Variants in SAMD8 observed in about 807,000 individuals in gnomAD.
The protein encoded by SAMD8 is sphingomyelin synthase-related protein 1.
SAMD8 carries 20 observed loss-of-function variants against 42.0 expected under a neutral mutation model. The ratio of observed to expected loss-of-function variants is 0.48; its 90% CI spans 0.34 to 0.69. The LOEUF (loss-of-function observed/expected upper bound fraction) is 0.69, where lower values mean the gene tolerates loss of function less well. Among genes scored for constraint, SAMD8 ranks in the 30% least tolerant of loss-of-function variants. SAMD8 has a pLI of 0.01. For missense variants in SAMD8, 328 were observed against 511.6 expected (o/e 0.64, Z 3.46); for synonymous variants, 162 against 173.0 (o/e 0.94, Z 0.50).
chr10:75,164,809 C>A, intron 3 of SAMD8, 69 bp downstream of exon 3: 1 of 1,141,140 alleles, frequency 8.8e-7, no homozygotes, highest in Non-Finnish European at 1.3e-6. Flanking sequence ...AAATCTTAAC[C>A]TTTCTCTTTG....
intron 1 of SAMD8, among the ~76,000 whole-genome samples, chr10:75,101,641 C>T (rs1848164064): frequency 6.6e-6 from 1 of 152,168 alleles, no homozygotes; most frequent in Non-Finnish European, 1.5e-5. Flanking sequence ...AGAGGTTAAG[C>T]AACATACCCA....
chr10:75,140,044 CTG>C (rs1366191646), intron 1 of SAMD8, among the ~76,000 whole-genome samples: 4 of 152,170 alleles, frequency 2.6e-5, no homozygotes, highest in Non-Finnish European at 2.9e-5. Flanking sequence ...AATGAAAAGA[CTG>C]TGTTTTCTCC....
chr10:75,127,837 T>A (rs1192546872), intron 1 of SAMD8, among the ~76,000 whole-genome samples: 3 of 152,228 alleles, frequency 2.0e-5, no homozygotes, highest in African/African-American at 7.2e-5. Flanking sequence ...TAGTTCATGC[T>A]AAGGAACAAC....
chr10:75,164,404 T>G, intron 2 of SAMD8: 3 of 409,888 alleles, frequency 7.3e-6, no homozygotes, highest in Non-Finnish European at 9.8e-6. Flanking sequence ...TTTTTTTTCC[T>G]CTGGTATTTG....
intron 1 of SAMD8, among the ~76,000 whole-genome samples, chr10:75,103,658 GC>G (rs1325755630): frequency 6.6e-6 from 1 of 152,218 alleles, no homozygotes; most frequent in Non-Finnish European, 1.5e-5. Flanking sequence ...GCACACCCAT[GC>G]CTGCAGCCAT....
chr10:75,138,991 G>A (rs560275852), intron 1 of SAMD8, among the ~76,000 whole-genome samples: 10 of 141,494 alleles, frequency 7.1e-5, no homozygotes, highest in African/African-American at 1.3e-4. Flanking sequence ...ACGGAGTTTC[G>A]CTCTTGCTGC....
intron 1 of SAMD8, among the ~76,000 whole-genome samples, chr10:75,117,059 C>T (rs564149946): frequency 6.6e-6 from 1 of 152,048 alleles, no homozygotes; most frequent in South Asian, 2.1e-4. Flanking sequence ...CATCCACCCC[C>T]CTTGGCCTCC....
intron 1 of SAMD8, among the ~76,000 whole-genome samples, chr10:75,146,862 T>G (rs1840149401): frequency 6.6e-6 from 1 of 152,206 alleles, no homozygotes; most frequent in South Asian, 2.1e-4. Flanking sequence ...TTATCATCTT[T>G]TAATATACCT....
At chr10:75,156,808 C>T (rs1181537826) in intron 2 of SAMD8, among the ~76,000 whole-genome samples, 1 of 151,914 alleles carries the variant, frequency 6.6e-6, no homozygotes, top group East Asian at 1.9e-4. Flanking sequence ...CCAAGAGCCA[C>T]GTGAAATTTA....
At chr10:75,141,353 CAAAA>C (rs1183521701) in intron 1 of SAMD8, among the ~76,000 whole-genome samples, 1 of 88,128 alleles carries the variant, frequency 1.1e-5, no homozygotes. Flanking sequence ...CACCCTGTCT[CAAAA>C]AAAAAAAAAA....
At position 75,176,809 on chromosome 10, in the gene SAMD8, A is replaced by G; in HGVS notation, c.*117A>G. 2 of 735,846 alleles carry G rather than the reference A, an allele frequency of 2.7e-6. No individual in the cohort carries two copies. Among genetic ancestry groups the G allele is most frequent in the Non-Finnish European group, 2.2e-6 (1 of 461,130 alleles). The allele number at this position is 735,846 out of a possible 1,614,324, so 45.6% of individuals were successfully genotyped here. ...CCTGGCTTATGTGTTGACAAAGTAA[A>G]GTTTTCTGTTCTGAGCAAAGTTATG... On this transcript the variant is annotated 3_prime_UTR_variant, in exon 6 of 6. Coordinates refer to ENST00000542569, the MANE Select transcript of SAMD8 (RefSeq NM_001174156.2). This position sits in a 1 kb window ranked among gnomAD's most constrained non-coding sequence, Gnocchi z 4.3.
At chr10:75,166,972 T>C (rs565063991) in intron 3 of SAMD8, among the ~76,000 whole-genome samples, 28 of 152,354 alleles carry the variant, frequency 1.8e-4, no homozygotes, top group Non-Finnish European at 2.2e-4. Flanking sequence ...ACACTAATGC[T>C]TGAAACATAC....
At chr10:75,145,675 G>C (rs1840114181) in intron 1 of SAMD8, among the ~76,000 whole-genome samples, 1 of 152,196 alleles carries the variant, frequency 6.6e-6, no homozygotes, top group African/African-American at 2.4e-5. Flanking sequence ...TGGGGGAGGG[G>C]ATAGTCCTGT....
In SAMD8 at chr10:75,179,257, G is replaced by A; in HGVS notation, c.*2565G>A. On this transcript the variant is annotated 3_prime_UTR_variant, in exon 6 of 6. Transcript: ENST00000542569. ...GCTACATGGGAGGCTGAGGCAGAAG[G>A]ATCACTTGAGCCCAAGGAGGTTGAG... The A allele has an allele frequency of 6.6e-6, 1 of 152,116 alleles. No individual in the cohort carries two copies. Among genetic ancestry groups the A allele is most frequent in the Non-Finnish European group, 1.5e-5 (1 of 68,058 alleles). The allele number at this position is 152,116 out of a possible 1,614,324, so 9.4% of individuals were successfully genotyped here.
chr10:75,114,030 A>G (rs2134413800), intron 1 of SAMD8, among the ~76,000 whole-genome samples: 1 of 152,286 alleles, frequency 6.6e-6, no homozygotes, highest in South Asian at 2.1e-4. Context: ...TCTCACACCC[A>G]TTGAATAAAG....
rs375696345 is a variant in SAMD8, at chr10:75,116,614, T to C, written c.-16+4892T>C. On this transcript the variant is annotated intron_variant, in intron 1 of 5. Coordinates refer to ENST00000542569, the MANE Select transcript of SAMD8 (RefSeq NM_001174156.2). ...TTTGGAAATACTTGCAAATCTGTTT[T>C]AGTTTGGAACTTTGAGATTAAATGG... Among the ~76,000 whole-genome samples, 11 of 152,340 alleles carry C rather than the reference T, an allele frequency of 7.2e-5. No homozygotes were observed. The East Asian group carries it at 1.2e-3, about 16-fold the overall frequency.
Position 75,164,952 on chromosome 10 carries a change from G to A in SAMD8, c.674+212G>A, listed in dbSNP as rs141921554. On this transcript the variant is annotated intron_variant, in intron 3 of 5. Transcript: ENST00000542569. ...TAATAATCCTGAATGCATTTTGCAC[G>A]GAAAGATCAGAGATGCCCTATGGCT... Among the ~76,000 whole-genome samples, 531 of 152,302 alleles carry A rather than the reference G, an allele frequency of 3.5e-3. 2 individuals are homozygous for A. The highest frequency in any genetic ancestry group is 0.012 in the African/African-American group (487 of 41,562).
intron 1 of SAMD8, among the ~76,000 whole-genome samples, chr10:75,119,909 T>C (rs1386189973): frequency 1.3e-5 from 2 of 151,984 alleles, no homozygotes; most frequent in Non-Finnish European, 1.5e-5. Flanking sequence ...CTACTAAAAA[T>C]ACAAAAAAAT....
intron 2 of SAMD8, among the ~76,000 whole-genome samples, chr10:75,163,791 A>G (rs1382187348): frequency 2.0e-5 from 3 of 151,974 alleles, no homozygotes; most frequent in Admixed American, 2.0e-4. Flanking sequence ...TTTCTTTCTT[A>G]AAGTGACCTG....
Sources: gnomAD v4.1 joint callset for allele counts (sites outside exome capture counted in the v4.1 genomes callset) on GRCh38, gnomAD v4.1.1 for gene constraint, Gnocchi (gnomAD v3.1) non-coding constraint, MANE v1.5 for transcripts, NCBI Gene and HGNC (gene_info 2026-07-23, HGNC 2026-07-21) for gene names.